Variants in AKAP6 observed in about 807,000 individuals in gnomAD.
AKAP6 encodes A-kinase anchor protein 6.
In AKAP6, 58 loss-of-function variants were observed where a neutral mutation model predicts 188.5. The observed-to-expected ratio is 0.31, with a 90% CI of 0.25 to 0.38. The LOEUF is 0.38. AKAP6 is among the 10% of genes least tolerant of loss of function. The pLI is 1.00. For missense variants in AKAP6, 2,710 were observed against 2,740.0 expected (o/e 0.99, Z 0.24); for synonymous variants, 989 against 998.6 (o/e 0.99, Z 0.18).
chr14:32,832,996 A>G lies in AKAP6; in HGVS notation c.*3191A>G, dbSNP rs573797368. ...AACATTTAAGTGCGAAGTTTTCTCT[A>G]GAAATATATTCAAGATATGTTTATT... On this transcript the variant is annotated 3_prime_UTR_variant, in exon 14 of 14. Transcript: ENST00000280979. The G allele has an allele frequency of 6.5e-6, 1 of 152,776 alleles. No homozygotes were observed. The highest frequency in any genetic ancestry group is 6.5e-5 in the Admixed American group (1 of 15,302). 9.5% of individuals were successfully genotyped at this position (152,776 alleles called of 1,614,324 possible).
chr14:32,337,751 T>A (rs1459110723), intron 1 of AKAP6, among the ~76,000 whole-genome samples: 1 of 136,480 alleles, frequency 7.3e-6, no homozygotes, highest in Admixed American at 7.4e-5. Context: ...GTCCCTGGTG[T>A]GTGATGTTCC....
intron 8 of AKAP6, among the ~76,000 whole-genome samples, chr14:32,681,677 A>ATTTTT (rs34833229): frequency 4.3e-5 from 6 of 138,190 alleles, no homozygotes; most frequent in East Asian, 4.3e-4. Context: ...AATTTGACAA[A>ATTTTT]TTTTTTTTTT....
chr14:32,757,420 C>T (rs2032379185), intron 11 of AKAP6, among the ~76,000 whole-genome samples: 1 of 152,128 alleles, frequency 6.6e-6, no homozygotes, highest in South Asian at 2.1e-4. Context: ...GAGAACGCCT[C>T]ACTCCCATGA....
chr14:32,542,759 C>G (rs951412336), intron 3 of AKAP6, among the ~76,000 whole-genome samples: 1 of 152,198 alleles, frequency 6.6e-6, no homozygotes, highest in African/African-American at 2.4e-5. Flanking sequence ...TAAGAAAGGC[C>G]TCTTTGGGCC....
intron 2 of AKAP6, among the ~76,000 whole-genome samples, chr14:32,483,775 T>C (rs532995588): frequency 2.8e-4 from 42 of 152,204 alleles, no homozygotes; most frequent in Admixed American, 5.2e-4. Flanking sequence ...TGAGCCACTG[T>C]GCCCCCCAGA....
chr14:32,645,411 T>C (rs1245169388), intron 7 of AKAP6, among the ~76,000 whole-genome samples: 1 of 152,180 alleles, frequency 6.6e-6, no homozygotes, highest in Non-Finnish European at 1.5e-5. Context: ...ATTTCATAAC[T>C]GGGCTCCTCT....
At chr14:32,540,902 A>G (rs1882918565) in intron 3 of AKAP6, among the ~76,000 whole-genome samples, 1 of 150,254 alleles carries the variant, frequency 6.7e-6, no homozygotes, top group African/African-American at 2.5e-5. Context: ...ATTAAAAAAT[A>G]CAGTTTGAAT....
chr14:32,342,146 T>G (rs1886909913), intron 1 of AKAP6, among the ~76,000 whole-genome samples: 1 of 152,254 alleles, frequency 6.6e-6, no homozygotes, highest in Non-Finnish European at 1.5e-5. Context: ...TATTTCCATG[T>G]GCTGATGACT....
chr14:32,336,389 C>A (rs969526070), intron 1 of AKAP6, among the ~76,000 whole-genome samples: 2 of 152,080 alleles, frequency 1.3e-5, no homozygotes, highest in African/African-American at 4.8e-5. Context: ...ACTGTACAAG[C>A]TGTAAAACTA....
chr14:32,744,023 A>G (rs2031786515), intron 11 of AKAP6, among the ~76,000 whole-genome samples: 1 of 152,134 alleles, frequency 6.6e-6, no homozygotes, highest in Non-Finnish European at 1.5e-5. Context: ...TTTCTACCTC[A>G]TGTTTGAAAG....
Position 32,636,618 on chromosome 14 carries a change from G to T in AKAP6, c.2730+35826G>T, listed in dbSNP as rs1002644908. Among the ~76,000 whole-genome samples the T allele has an allele frequency of 2.7e-4, 41 of 151,994 alleles. 2 individuals carry two copies. On this transcript the variant is annotated intron_variant, in intron 7 of 13. Coordinates refer to ENST00000280979, the MANE Select transcript of AKAP6 (RefSeq NM_004274.5). ...AATGGTAGAGAAGGATGTCTACACT[G>T]GGAATCACATAGCTTTCTGAAAGGG...
chr14:32,525,974 T>G (rs1882100738), intron 2 of AKAP6, among the ~76,000 whole-genome samples: 2 of 152,260 alleles, frequency 1.3e-5, no homozygotes, highest in South Asian at 4.1e-4. Flanking sequence ...AACTACTGTT[T>G]ATAGAGTTCT....
intron 9 of AKAP6, among the ~76,000 whole-genome samples, chr14:32,706,358 C>A (rs778125969): frequency 6.6e-6 from 1 of 152,114 alleles, no homozygotes; most frequent in Non-Finnish European, 1.5e-5. Flanking sequence ...TGTTCTTAAG[C>A]ACCTCAATAC....
At chr14:32,413,174 AAT>A (rs1491465140) in intron 1 of AKAP6, among the ~76,000 whole-genome samples, 44 of 131,202 alleles carry the variant, frequency 3.4e-4, no homozygotes, top group Non-Finnish European at 4.9e-4. Context: ...TATTTATTGA[AAT>A]TTTTTTTTTT....
chr14:32,610,876 C>T (rs893573661), intron 7 of AKAP6, among the ~76,000 whole-genome samples: 1 of 152,106 alleles, frequency 6.6e-6, no homozygotes, highest in Non-Finnish European at 1.5e-5. Context: ...AAAGTTTGAC[C>T]TATATACTGG....
rs530435476 is a variant in AKAP6 at position 32,432,558 on chromosome 14, T to C, written c.-34-902T>C. ...TAATTTAGATTGAGAGTTAATTAGA[T>C]CTATTCAGTACAATCCATGATTTAT... On this transcript the variant is annotated intron_variant, in intron 1 of 13. Transcript: ENST00000280979. Among the ~76,000 whole-genome samples, 31 of 152,308 alleles carry C rather than the reference T, an allele frequency of 2.0e-4. 1 individual carries two copies. In the South Asian group the frequency reaches 6.4e-3, roughly 32 times the overall value.
At chr14:32,703,633 A>G (rs1890699739) in intron 9 of AKAP6, among the ~76,000 whole-genome samples, 1 of 152,228 alleles carries the variant, frequency 6.6e-6, no homozygotes, top group African/African-American at 2.4e-5. Flanking sequence ...ACAAATGTGA[A>G]AAATATTTCT....
chr14:32,825,348 T>C (rs907071746), intron 13 of AKAP6, among the ~76,000 whole-genome samples: 3 of 152,136 alleles, frequency 2.0e-5, no homozygotes, highest in Admixed American at 2.0e-4. Context: ...CTGTCACAAC[T>C]CCTAATCACG....
chr14:32,569,731 T>C (rs919736220), intron 4 of AKAP6, among the ~76,000 whole-genome samples: 1 of 152,202 alleles, frequency 6.6e-6, no homozygotes, highest in African/African-American at 2.4e-5. Context: ...CTAAATAAAG[T>C]TCTAATTTTA....
Sources: allele counts gnomAD v4.1 joint callset (sites outside exome capture counted in the v4.1 genomes callset), GRCh38; gene constraint gnomAD v4.1.1; transcripts MANE v1.5; gene names NCBI Gene and HGNC (gene_info 2026-07-23, HGNC 2026-07-21).